The following SLC25A21 variants were observed in gnomAD, a reference collection of about 807,000 sequenced individuals.
SLC25A21 encodes the protein mitochondrial 2-oxodicarboxylate carrier.
In SLC25A21, 47 loss-of-function variants were observed where a neutral mutation model predicts 43.8. The ratio of observed to expected loss-of-function variants is 1.07; its 90% CI spans 0.85 to 1.37. The LOEUF is 1.37. Among genes scored for constraint, SLC25A21 ranks in the 40% most tolerant of loss-of-function variants. The pLI, the probability that SLC25A21 is intolerant of heterozygous loss-of-function variation, is 0.00. For missense variants in SLC25A21, 352 were observed against 350.2 expected, an observed-to-expected ratio of 1.00 and a Z score of -0.04; for synonymous variants, 131 against 121.3, an observed-to-expected ratio of 1.08 and a Z score of -0.52.
chr14:36,734,307 C>T (rs1013873991), intron 4 of SLC25A21, among the ~76,000 whole-genome samples, 200 bp downstream of exon 4: 2 of 151,932 alleles, frequency 1.3e-5, no homozygotes, highest in African/African-American at 4.8e-5. Flanking sequence ...AATGCTTTTA[C>T]CTGATTAAAA....
At chr14:36,761,938 G>T (rs1395499576) in intron 3 of SLC25A21, among the ~76,000 whole-genome samples, 1 of 152,082 alleles carries the variant, frequency 6.6e-6, no homozygotes, top group Non-Finnish European at 1.5e-5. Context: ...TTATATTATT[G>T]CTGAAAAGTG....
At chr14:37,110,935 C>T (rs1963008380) in intron 1 of SLC25A21, among the ~76,000 whole-genome samples, 1 of 148,640 alleles carries the variant, frequency 6.7e-6, no homozygotes, top group African/African-American at 2.6e-5. Flanking sequence ...GAAAAAAATA[C>T]TCATTTTTTG....
chr14:36,951,037 CCCTAACTCT>C (rs1892797839), intron 1 of SLC25A21, among the ~76,000 whole-genome samples: 1 of 152,106 alleles, frequency 6.6e-6, no homozygotes, highest in South Asian at 2.1e-4. Flanking sequence ...CCTCTCTGCC[CCCTAACTCT>C]CCAGAAGAAA....
intron 1 of SLC25A21, among the ~76,000 whole-genome samples, chr14:37,164,744 C>A (rs112078777): frequency 6.6e-5 from 10 of 152,224 alleles, no homozygotes; most frequent in Non-Finnish European, 1.3e-4. Context: ...CATCCTATAT[C>A]TTTTTATTAG....
chr14:36,805,826 T>C (rs1213793896), intron 3 of SLC25A21, among the ~76,000 whole-genome samples: 1 of 152,124 alleles, frequency 6.6e-6, no homozygotes, highest in African/African-American at 2.4e-5. Flanking sequence ...AATATTCATA[T>C]GTGGAAGCTA....
intron 1 of SLC25A21, among the ~76,000 whole-genome samples, chr14:37,161,354 G>A (rs990356571): frequency 2.6e-5 from 4 of 152,124 alleles, no homozygotes; most frequent in African/African-American, 9.7e-5. Context: ...ATTATAGCAG[G>A]TTGAAGACTG....
At chr14:37,169,231 A>G (rs1204157292) in intron 1 of SLC25A21, among the ~76,000 whole-genome samples, 2 of 152,010 alleles carry the variant, frequency 1.3e-5, no homozygotes, top group Admixed American at 1.3e-4. Context: ...TATAACTAAT[A>G]AACTATCTGA....
In SLC25A21 at chr14:36,679,242, A is replaced by AAAT. The variant is rs1882069208; in HGVS notation, c.*1413_*1415dup. ...TTTATTGAATATTGGACTGAAATAT[A>AAAT]AATTTTAAAAAACACGTTGGAAAGG... On this transcript the variant is annotated 3_prime_UTR_variant, in exon 10 of 10. Coordinates refer to ENST00000331299, the MANE Select transcript of SLC25A21 (RefSeq NM_030631.4). The AAAT allele has an allele frequency of 7.1e-6, 7 of 984,296 alleles. No homozygotes were observed. Among genetic ancestry groups the AAAT allele is most frequent in the Non-Finnish European group, 8.4e-6 (7 of 828,920 alleles). The allele number at this position is 984,296 out of a possible 1,614,324, so 61.0% of individuals were successfully genotyped here. A position where few individuals can be genotyped will look rare whatever the true frequency, so the allele number is the denominator to read the frequency against.
intron 1 of SLC25A21, among the ~76,000 whole-genome samples, chr14:37,128,364 TATC>T (rs1208067830): frequency 7.2e-5 from 11 of 152,172 alleles, no homozygotes; most frequent in African/African-American, 2.4e-4. Context: ...GCCAGAAAGA[TATC>T]ATGTTATTTG....
At chr14:36,935,016 G>A (rs1019226520) in intron 1 of SLC25A21, among the ~76,000 whole-genome samples, 20 of 150,820 alleles carry the variant, frequency 1.3e-4, no homozygotes, top group African/African-American at 4.6e-4. Context: ...TTTGAGGGCT[G>A]TTACCAGGCA....
intron 3 of SLC25A21, among the ~76,000 whole-genome samples, chr14:36,788,029 TC>T (rs2138392494): frequency 6.6e-6 from 1 of 152,328 alleles, no homozygotes; most frequent in South Asian, 2.1e-4. Flanking sequence ...CACATTGCTC[TC>T]CGTACTTTGC....
intron 1 of SLC25A21, among the ~76,000 whole-genome samples, chr14:36,934,182 A>G (rs1892361037): frequency 6.6e-6 from 1 of 152,188 alleles, no homozygotes; most frequent in Non-Finnish European, 1.5e-5. Context: ...AGTAGAAATT[A>G]CATTATTATT....
intron 1 of SLC25A21, among the ~76,000 whole-genome samples, chr14:36,904,847 T>C (rs1594682551): frequency 6.6e-6 from 1 of 152,192 alleles, no homozygotes; most frequent in Non-Finnish European, 1.5e-5. Context: ...ATGTGAAGAT[T>C]ATGGGGATTA....
At chr14:36,700,020 C>T (rs939993779) in intron 7 of SLC25A21, among the ~76,000 whole-genome samples, 1 of 152,176 alleles carries the variant, frequency 6.6e-6, no homozygotes. Context: ...AATCACCCGT[C>T]TTCTGAGTTG....
At chr14:37,106,295 G>A (rs1258786898) in intron 1 of SLC25A21, among the ~76,000 whole-genome samples, 9 of 152,144 alleles carry the variant, frequency 5.9e-5, no homozygotes, top group Non-Finnish European at 2.9e-5. Flanking sequence ...GGAAGTGCAA[G>A]TAGGAGAGAT....
intron 4 of SLC25A21, 67 bp downstream of exon 4, chr14:36,734,440 G>C (rs983317058): frequency 4.7e-5 from 55 of 1,173,454 alleles, no homozygotes; most frequent in Admixed American, 1.9e-4. Flanking sequence ...AATGTCTTAA[G>C]AGTTTGTTGT....
chr14:36,886,795 T>C (rs1384140302), intron 1 of SLC25A21, among the ~76,000 whole-genome samples: 2 of 152,156 alleles, frequency 1.3e-5, no homozygotes, highest in Admixed American at 6.5e-5. Flanking sequence ...CTTTAAAAAA[T>C]ATTGTTTGGT....
intron 1 of SLC25A21, among the ~76,000 whole-genome samples, chr14:36,921,820 G>A (rs1443988985): frequency 6.6e-6 from 1 of 152,094 alleles, no homozygotes; most frequent in African/African-American, 2.4e-5. Flanking sequence ...TTCTGAATGT[G>A]TGCCATACTT....
chr14:37,081,897 G>C lies in SLC25A21; in HGVS notation c.70+90384C>G, dbSNP rs1347564633. Among the ~76,000 whole-genome samples the C allele has an allele frequency of 2.6e-5, 4 of 152,148 alleles. No individual in the cohort carries two copies. The East Asian group carries it at 7.7e-4, about 29-fold the overall frequency. ...AGTACCTAAGTTGTCTTAGTAACAA[G>C]CTAGGAAACTATAATAAATGTAGCA... On this transcript the variant is annotated intron_variant, in intron 1 of 9. Transcript: ENST00000331299.
Sources: allele counts gnomAD v4.1 joint callset (sites outside exome capture counted in the v4.1 genomes callset), GRCh38; gene constraint gnomAD v4.1.1; transcripts MANE v1.5; gene names NCBI Gene and HGNC (gene_info 2026-07-23, HGNC 2026-07-21).